GID4: variants seen among roughly 807,000 people sequenced by gnomAD.
The protein encoded by GID4 is GID complex subunit 4 homolog, also known as glucose-induced degradation protein 4 homolog.
A neutral mutation model predicts 32.4 loss-of-function variants in GID4; 7 were observed. The ratio of observed to expected loss-of-function variants is 0.22; its 90% confidence interval spans 0.12 to 0.41. GID4 has a LOEUF of 0.41. Ranked by LOEUF, GID4 falls within the 10% of genes least tolerant of loss-of-function variation. GID4 has a pLI of 1.00. For synonymous variants in GID4, 166 were observed against 170.0 expected (o/e 0.98, Z 0.18); for missense variants, 309 against 400.0 (o/e 0.77, Z 1.94).
intron 3 of GID4, chr17:18,057,294 T>C: frequency 2.6e-6 from 1 of 385,260 alleles, no homozygotes; most frequent in South Asian, 2.6e-5. Context: ...TAACCAGGCA[T>C]GGTGGCACAC....
chr17:18,054,742 A>G (rs1298791298), intron 3 of GID4, among the ~76,000 whole-genome samples: 1 of 152,200 alleles, frequency 6.6e-6, no homozygotes, highest in Admixed American at 6.5e-5. Context: ...TCTTAAGTAC[A>G]CCACTATAAA....
chr17:18,052,876 G>A (rs1474990161), intron 2 of GID4, among the ~76,000 whole-genome samples: 6 of 151,992 alleles, frequency 3.9e-5, no homozygotes, highest in African/African-American at 1.4e-4. Flanking sequence ...CATATAAGTT[G>A]TTCTTAGTTC....
At chr17:18,050,889 C>T (rs541662945) in intron 2 of GID4, among the ~76,000 whole-genome samples, 1 of 152,294 alleles carries the variant, frequency 6.6e-6, no homozygotes, top group South Asian at 2.1e-4. Context: ...CATGGTTTTT[C>T]GTCCGCTCTA....
chr17:18,053,392 C>G (rs1163267550), intron 2 of GID4, among the ~76,000 whole-genome samples: 124 of 151,670 alleles, frequency 8.2e-4, no homozygotes, highest in Non-Finnish European at 1.0e-4. Flanking sequence ...GCGGGTGGAT[C>G]ACCTGAGGTC....
Position 18,065,760 on chromosome 17 carries a change from C to T in GID4, c.*517C>T. 5.2e-6 allele frequency: 1 copy of T among 191,580 alleles called. No homozygotes were observed. Among genetic ancestry groups the T allele is most frequent in the Non-Finnish European group, 1.1e-5 (1 of 92,186 alleles). The allele number at this position is 191,580 out of a possible 1,614,324, so 11.9% of individuals were successfully genotyped here. On this transcript the variant is annotated 3_prime_UTR_variant, in exon 6 of 6. Coordinates refer to ENST00000268719, the MANE Select transcript of GID4 (RefSeq NM_024052.5). ...CTGCCGCATCATCGGCCACCAAGGG[C>T]ACAAGAGGCGGAGGCTCCAGTCCCT...
intron 3 of GID4, chr17:18,056,761 TGA>T (rs1365938928): frequency 4.5e-6 from 7 of 1,550,566 alleles, no homozygotes; most frequent in Non-Finnish European, 5.2e-6. Context: ...ACATTTTGGG[TGA>T]GAGAGGAACT....
At chr17:18,041,341 T>C (rs779441613) in intron 1 of GID4, among the ~76,000 whole-genome samples, 4 of 152,224 alleles carry the variant, frequency 2.6e-5, no homozygotes, top group Non-Finnish European at 5.9e-5. Context: ...GAGGGTGCCT[T>C]TTCTTTCTGC....
At chr17:18,041,992 T>C (rs1369049307) in intron 1 of GID4, among the ~76,000 whole-genome samples, 2 of 152,194 alleles carry the variant, frequency 1.3e-5, no homozygotes, top group African/African-American at 4.8e-5. Flanking sequence ...TACATCTGGA[T>C]TGGTGAGCTG....
At chr17:18,049,413 C>G (rs2145557668) in intron 2 of GID4, among the ~76,000 whole-genome samples, 2 of 147,902 alleles carry the variant, frequency 1.4e-5, no homozygotes, top group South Asian at 4.3e-4. Context: ...CTCACATTCA[C>G]AAACAAGCAC....
At chr17:18,056,918 C>T in intron 3 of GID4, 2 of 1,550,594 alleles carry the variant, frequency 1.3e-6, no homozygotes, top group South Asian at 1.2e-5. Context: ...GGAGGACTCC[C>T]AGGTTCCCAC....
intron 1 of GID4, 62 bp from the exon 2 acceptor site, chr17:18,045,085 C>G: frequency 7.6e-7 from 1 of 1,324,066 alleles, no homozygotes; most frequent in Admixed American, 1.7e-5. Context: ...GCAGAGTACC[C>G]TCCTGCATGT....
At position 18,066,055 on chromosome 17, in the gene GID4, C is replaced by T. The variant is rs1476674212; in HGVS notation, c.*812C>T. 1 of 152,296 alleles carries T rather than the reference C, an allele frequency of 6.6e-6. No individual in the cohort carries two copies. Among genetic ancestry groups the T allele is most frequent in the Non-Finnish European group, 1.5e-5 (1 of 68,012 alleles). 9.4% of individuals were successfully genotyped at this position (152,296 alleles called of 1,614,324 possible). ...TTATTACAAAATTATTTTTATGGTCCCTTTAACGAGGACCCTATGGCAAAT... is the reference window on the plus strand; with the variant it reads ...TTATTACAAAATTATTTTTATGGTCTCTTTAACGAGGACCCTATGGCAAAT... On this transcript the variant is annotated 3_prime_UTR_variant, in exon 6 of 6. Transcript: ENST00000268719.
chr17:18,058,714 C>T (rs2044992205), intron 3 of GID4, among the ~76,000 whole-genome samples, 154 bp from the exon 4 acceptor site: 1 of 152,074 alleles, frequency 6.6e-6, no homozygotes. Flanking sequence ...ACCATAGGGC[C>T]CCATCTGTTA....
chr17:18,052,416 C>G (rs1004893663), intron 2 of GID4, among the ~76,000 whole-genome samples: 3 of 152,078 alleles, frequency 2.0e-5, no homozygotes, highest in Non-Finnish European at 4.4e-5. Context: ...ACATGCAGGC[C>G]AGGTTGGTAG....
chr17:18,060,054 C>G (rs2045004562), intron 4 of GID4, among the ~76,000 whole-genome samples: 1 of 142,078 alleles, frequency 7.0e-6, no homozygotes, highest in South Asian at 2.2e-4. Context: ...CCACTGCACT[C>G]CAGCCTGGCG....
chr17:18,059,084 T>C, intron 4 of GID4, 115 bp downstream of exon 4: 1 of 643,634 alleles, frequency 1.6e-6, no homozygotes, highest in Non-Finnish European at 2.8e-6. Context: ...CAGCTGGTTG[T>C]CATGGCAAAG....
At chr17:18,050,450 C>T (rs2044899381) in intron 2 of GID4, among the ~76,000 whole-genome samples, 1 of 152,216 alleles carries the variant, frequency 6.6e-6, no homozygotes, top group Non-Finnish European at 1.5e-5. Context: ...AACCCAGCAG[C>T]TTTCAGGGGT....
chr17:18,049,865 G>A (rs889260995), intron 2 of GID4, among the ~76,000 whole-genome samples: 4 of 152,102 alleles, frequency 2.6e-5, no homozygotes, highest in African/African-American at 9.7e-5. Flanking sequence ...CTTGACCTCA[G>A]GTGATTTGCC....
In GID4 at chr17:18,044,459, T is replaced by C. The variant is rs117930480; in HGVS notation, c.439-688T>C. On this transcript the variant is annotated intron_variant, in intron 1 of 5. Coordinates refer to ENST00000268719, the MANE Select transcript of GID4 (RefSeq NM_024052.5). ...ACCTCAAAGTCTACTATGCCTGTTA[T>C]TTCTATTTATTTTAGGCTCCTGACT... Among the ~76,000 whole-genome samples, 773 of 152,334 alleles carry C rather than the reference T, an allele frequency of 5.1e-3. 4 individuals are homozygous for C. Among genetic ancestry groups the C allele is most frequent in the East Asian group, 0.025 (130 of 5,188 alleles).
Sources: allele counts gnomAD v4.1 joint callset (sites outside exome capture counted in the v4.1 genomes callset), GRCh38; gene constraint gnomAD v4.1.1; transcripts MANE v1.5; gene names NCBI Gene and HGNC (gene_info 2026-07-23, HGNC 2026-07-21).